The following STAG1 variants were observed in gnomAD, a reference collection of about 807,000 sequenced individuals.
STAG1 encodes the protein cohesin subunit SA-1.
A neutral mutation model predicts 170.9 loss-of-function variants in STAG1; 26 were observed. The ratio of observed to expected loss-of-function variants is 0.15; its 90% CI spans 0.11 to 0.21. STAG1 has a LOEUF of 0.21. Among genes scored for constraint, STAG1 ranks in the 10% least tolerant of loss-of-function variants. STAG1 has a pLI of 1.00. For synonymous variants in STAG1, 514 were observed against 497.7 expected (o/e 1.03, Z -0.44); for missense variants, 964 against 1,509.5 (o/e 0.64, Z 5.99).
chr3:136,501,894 A>T (rs964863026), intron 8 of STAG1, among the ~76,000 whole-genome samples: 13 of 152,178 alleles, frequency 8.5e-5, no homozygotes, highest in African/African-American at 2.9e-4. Flanking sequence ...TTAAAAACCC[A>T]GTATAGGCCG....
At chr3:136,557,322 A>T (rs1246371921) in intron 5 of STAG1, among the ~76,000 whole-genome samples, 1 of 152,182 alleles carries the variant, frequency 6.6e-6, no homozygotes, top group East Asian at 1.9e-4. Context: ...CTCTCCTGTA[A>T]AGGGTTACTT....
chr3:136,473,585 T>C lies in STAG1; in HGVS notation c.1079A>G (p.Asn360Ser), dbSNP rs757195883. Residue 360 changes from asparagine to serine, a missense_variant, in exon 11 of 34, where the codon AAT (asparagine) becomes AGT (serine). Asn to Ser is a conservative substitution (Grantham distance 46, BLOSUM62 1). Around this residue, in one of 11 missense-constraint regions of STAG1, gnomAD observed 162 missense variants for 211.2 expected, o/e 0.77. Transcript: ENST00000383202. ...TTCCAATTTGGGGAATAATTCTCTATTGGTATATAGACTCTGCAGAGCTTT... is the reference window on the plus strand; with the variant it reads ...TTCCAATTTGGGGAATAATTCTCTACTGGTATATAGACTCTGCAGAGCTTT... ...CLKALQSLYT[N>S]RELFPKLELF... 1.2e-6 allele frequency: 2 copies of C among 1,612,698 alleles called. No homozygotes were observed. Among genetic ancestry groups the C allele is most frequent in the Non-Finnish European group, 1.7e-6 (2 of 1,179,392 alleles).
intron 7 of STAG1, among the ~76,000 whole-genome samples, chr3:136,519,100 C>T (rs1934530013): frequency 6.6e-6 from 1 of 152,076 alleles, no homozygotes; most frequent in Non-Finnish European, 1.5e-5. Flanking sequence ...TACAGTAATA[C>T]TGCATTTACA....
intron 21 of STAG1, among the ~76,000 whole-genome samples, chr3:136,415,891 T>C (rs1227188782): frequency 6.6e-6 from 1 of 152,214 alleles, no homozygotes; most frequent in Non-Finnish European, 1.5e-5. Context: ...TTAAGAGATA[T>C]TTCTCAGAGC....
chr3:136,514,733 T>TA (rs1934260334), intron 7 of STAG1, among the ~76,000 whole-genome samples: 2 of 152,090 alleles, frequency 1.3e-5, no homozygotes, highest in African/African-American at 4.8e-5. Context: ...TATGCAGCCA[T>TA]AAAAAAGGAT....
chr3:136,428,964 G>GT (rs1261918461), intron 16 of STAG1, among the ~76,000 whole-genome samples: 3 of 152,064 alleles, frequency 2.0e-5, no homozygotes. Context: ...GTGAAACCCC[G>GT]TATCTACTAA....
intron 6 of STAG1, among the ~76,000 whole-genome samples, chr3:136,526,999 G>A (rs1387560085): frequency 6.6e-5 from 10 of 152,240 alleles, no homozygotes; most frequent in South Asian, 2.1e-4. Context: ...TGGGTAACCC[G>A]ACCTTTCACT....
intron 9 of STAG1, among the ~76,000 whole-genome samples, chr3:136,493,001 G>A (rs1432542771): frequency 1.3e-5 from 2 of 152,156 alleles, no homozygotes; most frequent in Non-Finnish European, 2.9e-5. Flanking sequence ...TATAAGGGGA[G>A]TTGAGAAAGG....
intron 1 of STAG1, among the ~76,000 whole-genome samples, chr3:136,690,932 T>G (rs1011647383): frequency 6.6e-6 from 1 of 151,180 alleles, no homozygotes; most frequent in Non-Finnish European, 1.5e-5. Flanking sequence ...AGTTGCTGAC[T>G]GCAATATCCA....
chr3:136,712,298 G>A (rs559435801), intron 1 of STAG1, among the ~76,000 whole-genome samples: 1 of 152,182 alleles, frequency 6.6e-6, no homozygotes, highest in African/African-American at 2.4e-5. Flanking sequence ...TTACAGGTGT[G>A]AGCCACCGCA....
At chr3:136,462,856 G>A (rs2089312418) in intron 13 of STAG1, among the ~76,000 whole-genome samples, 2 of 152,016 alleles carry the variant, frequency 1.3e-5, no homozygotes, top group African/African-American at 4.8e-5. Context: ...ATATAATACA[G>A]ACATAAAATA....
chr3:136,693,445 G>A (rs539891035), intron 1 of STAG1, among the ~76,000 whole-genome samples: 3 of 152,172 alleles, frequency 2.0e-5, no homozygotes, highest in Non-Finnish European at 2.9e-5. Flanking sequence ...CATTCTAAAG[G>A]AGAAGCCAAA....
intron 11 of STAG1, among the ~76,000 whole-genome samples, chr3:136,473,200 A>T (rs977905644): frequency 6.2e-4 from 94 of 152,310 alleles, no homozygotes; most frequent in African/African-American, 2.2e-3. Flanking sequence ...AGATGGGAAC[A>T]TCTAGTTGCA....
intron 22 of STAG1, among the ~76,000 whole-genome samples, chr3:136,384,889 T>G (rs965734532): frequency 3.3e-5 from 5 of 152,058 alleles, no homozygotes; most frequent in African/African-American, 7.2e-5. Context: ...AAGAACAAGA[T>G]ATGCTGATTA....
intron 1 of STAG1, among the ~76,000 whole-genome samples, chr3:136,641,061 T>C (rs1158458786): frequency 6.6e-6 from 1 of 152,260 alleles, no homozygotes; most frequent in African/African-American, 2.4e-5. Context: ...ATGGTTTTCA[T>C]ATAAATATGA....
In STAG1 at chr3:136,420,412, G is replaced by T. The variant is rs560412896; in HGVS notation, c.2108+681C>A. Among the ~76,000 whole-genome samples, 3 of 152,158 alleles carry T rather than the reference G, an allele frequency of 2.0e-5. No individual in the cohort carries two copies. The East Asian group carries it at 5.8e-4, about 29-fold the overall frequency. On this transcript the variant is annotated intron_variant, in intron 20 of 33. Transcript: ENST00000383202. ...TAGGGTCTGCCTATTGCCCAGGCTG[G>T]TCTCAAACTCGTGGGGCTCAAGCAA...
chr3:136,730,577 G>C (rs1933957137), intron 1 of STAG1, among the ~76,000 whole-genome samples: 1 of 152,156 alleles, frequency 6.6e-6, no homozygotes, highest in African/African-American at 2.4e-5. Context: ...CAATAAATAT[G>C]TACACTATTA....
intron 4 of STAG1, among the ~76,000 whole-genome samples, chr3:136,579,142 G>A (rs1204369959): frequency 1.3e-5 from 2 of 152,162 alleles, no homozygotes; most frequent in Non-Finnish European, 2.9e-5. Context: ...TTAACTAGGT[G>A]GTTACATTAA....
chr3:136,493,486 C>G (rs958698072), intron 9 of STAG1, among the ~76,000 whole-genome samples: 2 of 151,806 alleles, frequency 1.3e-5, no homozygotes, highest in Admixed American at 1.3e-4. Flanking sequence ...CAAACCCTGA[C>G]TCTACAAAAA....
Sources: gnomAD v4.1 joint callset for allele counts (sites outside exome capture counted in the v4.1 genomes callset) on GRCh38, gnomAD v4.1.1 for gene constraint, gnomAD v4.1.1 regional missense constraint, MANE v1.5 for transcripts, NCBI Gene and HGNC (gene_info 2026-07-23, HGNC 2026-07-21) for gene names.